Variants in SULF2 observed in about 807,000 individuals in gnomAD.
The protein encoded by SULF2 is sulfatase 2.
SULF2 carries 52 observed loss-of-function variants against 107.7 expected under a neutral mutation model. The ratio of observed to expected loss-of-function variants is 0.48; its 90% CI spans 0.39 to 0.61. SULF2 has a LOEUF of 0.61. Ranked by LOEUF, SULF2 falls within the 20% of genes least tolerant of loss-of-function variation. The probability of loss-of-function intolerance (pLI) is 0.00; values close to 1 mark genes in which losing one functional copy is unlikely to be tolerated. For missense variants in SULF2, 993 were observed against 1,177.3 expected (o/e 0.84, Z 2.29); for synonymous variants, 460 against 464.3 (o/e 0.99, Z 0.12).
At position 47,702,511 on chromosome 20, in the gene SULF2, C is replaced by T; in HGVS notation, c.567+8G>A. 2 of 1,610,706 alleles carry T rather than the reference C, an allele frequency of 1.2e-6. No homozygotes were observed. The highest frequency in any genetic ancestry group is 1.7e-6 in the Non-Finnish European group (2 of 1,179,074). On this transcript the variant is annotated splice_region_variant and intron_variant, in intron 4 of 20. Transcript: ENST00000688720. ...AGCCACTCCCAGGCTGGAAAGGTTG[C>T]AGCTTACCTTGGAGTAGTCGGAGCC...
chr20:47,685,796 T>C (rs2146518809), intron 5 of SULF2: 1 of 152,468 alleles, frequency 6.6e-6, no homozygotes. Context: ...ATTACAAGCA[T>C]GAGCCACTGC....
intron 20 of SULF2, among the ~76,000 whole-genome samples, chr20:47,658,623 G>A (rs2086969937): frequency 6.6e-6 from 1 of 152,180 alleles, no homozygotes; most frequent in Non-Finnish European, 1.5e-5. Flanking sequence ...TAGTGGCTAA[G>A]GAGATTGTGA....
chr20:47,774,184 T>C (rs2840278), intron 1 of SULF2, among the ~76,000 whole-genome samples: 51,220 of 152,196 alleles, frequency 0.34, 10,494 homozygotes, highest in African/African-American at 0.59. Context: ...GGCTTCCCAA[T>C]GTGGCTTGCT....
At position 47,690,128 on chromosome 20, in the gene SULF2, G is replaced by T; in HGVS notation, c.735C>A (p.His245Gln). 6.8e-7 allele frequency: 1 copy of T among 1,479,456 alleles called. No homozygotes were observed. Among genetic ancestry groups the T allele is most frequent in the Non-Finnish European group, 9.0e-7 (1 of 1,105,972 alleles). The allele number at this position is 1,479,456 out of a possible 1,614,324, so 91.6% of individuals were successfully genotyped here. A position where few individuals can be genotyped will look rare whatever the true frequency, so the allele number is the denominator to read the frequency against. ...GCAGGCAGAGTGCTGAGGCTTACAT[G>T]TGCTGAGATGCGTTTGGGAAGAGGC... ...YSRLFPNASQ[H>Q]ITPSYNYAPN... The change falls in exon 5 of 21, where the codon CAC (histidine) becomes CAA (glutamine). Residue 245 changes from histidine to glutamine, a missense_variant and splice_region_variant. This residue lies in a region of SULF2 where 388 missense variants were observed against 449.2 expected (regional missense o/e 0.86). Coordinates refer to ENST00000688720, the MANE Select transcript of SULF2 (RefSeq NM_001387048.1).
intron 1 of SULF2, among the ~76,000 whole-genome samples, chr20:47,777,459 CATG>C (rs2090745459): frequency 6.6e-6 from 1 of 152,154 alleles, no homozygotes; most frequent in Non-Finnish European, 1.5e-5. Flanking sequence ...AGGCCAAAGA[CATG>C]ATGAGGACAG....
intron 3 of SULF2, among the ~76,000 whole-genome samples, chr20:47,735,045 T>C (rs2089696156): frequency 6.6e-6 from 1 of 152,208 alleles, no homozygotes; most frequent in Non-Finnish European, 1.5e-5. Context: ...CCTTTCAGTC[T>C]GATGAATACT....
At chr20:47,723,369 C>T (rs2089348718) in intron 3 of SULF2, among the ~76,000 whole-genome samples, 1 of 152,036 alleles carries the variant, frequency 6.6e-6, no homozygotes, top group Admixed American at 6.5e-5. Context: ...TACTAACCGA[C>T]ACAGGAAGGG....
intron 3 of SULF2, among the ~76,000 whole-genome samples, chr20:47,716,848 A>AAT (rs1355528413): frequency 6.6e-6 from 1 of 152,008 alleles, no homozygotes; most frequent in Non-Finnish European, 1.5e-5. Context: ...CTAAAAAATA[A>AAT]ATATATATAA....
At chr20:47,673,930 T>A (rs928486588) in intron 10 of SULF2, among the ~76,000 whole-genome samples, 12 of 152,166 alleles carry the variant, frequency 7.9e-5, no homozygotes, top group African/African-American at 2.7e-4. Context: ...CACTTAGCTC[T>A]CTCTGCCTGG....
In SULF2 at chr20:47,690,262, C is replaced by T. The variant is rs149783473; in HGVS notation, c.601G>A (p.Val201Met). 4.1e-5 allele frequency: 64 copies of T among 1,550,104 alleles called. No homozygotes were observed. The highest frequency in any genetic ancestry group is 1.2e-4 in the African/African-American group (9 of 72,712). Residue 201 changes from valine to methionine, a missense_variant, in exon 5 of 21, where the codon GTG (valine) becomes ATG (methionine). By Grantham distance (21) the Val-to-Met change is conservative. This residue lies in a region of SULF2 where 388 missense variants were observed against 449.2 expected (regional missense o/e 0.86). Transcript: ENST00000688720. ...TTCTTGGACGTGCGGAAGAAGCTCA[C>T]GCTGTCATTGGTGATGAGGTCTGTG... is the stretch of plus-strand genomic sequence containing the variant. ...YLTDLITNDSVSFFRTSKKMY... is the reference protein window; with the variant it reads ...YLTDLITNDSMSFFRTSKKMY...
intron 4 of SULF2, among the ~76,000 whole-genome samples, chr20:47,695,284 T>C (rs1184797149): frequency 6.6e-6 from 1 of 151,534 alleles, no homozygotes; most frequent in African/African-American, 2.4e-5. Context: ...AAAGCTTTAT[T>C]GTGGTAAAAA....
intron 1 of SULF2, among the ~76,000 whole-genome samples, chr20:47,783,587 T>C (rs76068566): frequency 2.0e-5 from 3 of 152,186 alleles, no homozygotes; most frequent in Non-Finnish European, 4.4e-5. Context: ...ACTCTCAAGT[T>C]TGAAAATTTA....
At chr20:47,738,808 G>A (rs1201506120) in intron 2 of SULF2, among the ~76,000 whole-genome samples, 1 of 152,070 alleles carries the variant, frequency 6.6e-6, no homozygotes, top group Non-Finnish European at 1.5e-5. Flanking sequence ...CCCAGTCTCG[G>A]GTATATCTTT....
intron 20 of SULF2, among the ~76,000 whole-genome samples, chr20:47,658,688 C>T (rs2086971609): frequency 6.6e-6 from 1 of 152,128 alleles, no homozygotes; most frequent in South Asian, 2.1e-4. Flanking sequence ...GCTTAGGTGA[C>T]CTGTTACTAA....
chr20:47,659,767 G>C (rs1247895452), intron 18 of SULF2, 37 bp from the exon 19 acceptor site: 2 of 1,587,464 alleles, frequency 1.3e-6, no homozygotes, highest in Non-Finnish European at 1.7e-6. Flanking sequence ...AACAGGAGCA[G>C]ATAGTTTAGG....
chr20:47,772,760 AC>A (rs1335682626), intron 1 of SULF2, among the ~76,000 whole-genome samples: 1 of 151,958 alleles, frequency 6.6e-6, no homozygotes, highest in Non-Finnish European at 1.5e-5. Context: ...AACGCCACTT[AC>A]GCCCTGTGCG....
intron 1 of SULF2, among the ~76,000 whole-genome samples, chr20:47,759,908 T>A (rs2090381302): frequency 6.6e-6 from 1 of 152,220 alleles, no homozygotes; most frequent in Non-Finnish European, 1.5e-5. Context: ...TCTTCCCCAC[T>A]AGGGGGTCAG....
At chr20:47,723,004 C>G (rs532137010) in intron 3 of SULF2, among the ~76,000 whole-genome samples, 1 of 151,990 alleles carries the variant, frequency 6.6e-6, no homozygotes, top group African/African-American at 2.4e-5. Context: ...GAGGTGGAGG[C>G]TGCAGTGAAC....
intron 7 of SULF2, among the ~76,000 whole-genome samples, chr20:47,679,271 G>A (rs1368187613): frequency 6.6e-6 from 1 of 152,024 alleles, no homozygotes; most frequent in Non-Finnish European, 1.5e-5. Context: ...TGGAGATCAG[G>A]GGCCACCGTC....
Sources: gnomAD v4.1 joint callset for allele counts (sites outside exome capture counted in the v4.1 genomes callset) on GRCh38, gnomAD v4.1.1 for gene constraint, gnomAD v4.1.1 regional missense constraint, MANE v1.5 for transcripts, NCBI Gene and HGNC (gene_info 2026-07-23, HGNC 2026-07-21) for gene names.